Variants in CTDSPL2 observed in about 807,000 individuals in gnomAD.
CTDSPL2 encodes the protein CTD small phosphatase like 2.
A neutral mutation model predicts 60.0 loss-of-function variants in CTDSPL2; 5 were observed. The ratio of observed to expected loss-of-function variants is 0.08; its 90% CI spans 0.04 to 0.18. The LOEUF is 0.18. Among genes scored for constraint, CTDSPL2 ranks in the 10% least tolerant of loss-of-function variants. The pLI, the probability that CTDSPL2 is intolerant of heterozygous loss-of-function variation, is 1.00. For synonymous variants in CTDSPL2, 186 were observed against 189.3 expected (o/e 0.98, Z 0.14); for missense variants, 370 against 548.8 (o/e 0.67, Z 3.26).
chr15:44,506,412 CTTTTTTTTTT>C (rs764238056), intron 8 of CTDSPL2, among the ~76,000 whole-genome samples: 3 of 112,396 alleles, frequency 2.7e-5, no homozygotes, highest in South Asian at 3.0e-4. Flanking sequence ...CCTACTTTGA[CTTTTTTTTTT>C]TTTTTTTTTT....
chr15:44,481,174 G>A (rs1368832237), intron 2 of CTDSPL2, among the ~76,000 whole-genome samples: 3 of 152,086 alleles, frequency 2.0e-5, no homozygotes, highest in Non-Finnish European at 4.4e-5. Flanking sequence ...TGTCTCTACT[G>A]GGGGGAAATA....
At chr15:44,445,726 C>G (rs2080197994) in intron 1 of CTDSPL2, among the ~76,000 whole-genome samples, 1 of 151,550 alleles carries the variant, frequency 6.6e-6, no homozygotes, top group South Asian at 2.1e-4. Context: ...CAGCTTCCGT[C>G]TTCCAGGTTC....
intron 2 of CTDSPL2, among the ~76,000 whole-genome samples, chr15:44,467,481 C>T (rs1225804503): frequency 6.6e-6 from 1 of 152,042 alleles, no homozygotes; most frequent in Non-Finnish European, 1.5e-5. Context: ...AAGTTCTTTT[C>T]TATTCCTGTT....
In CTDSPL2 at chr15:44,527,936, T is replaced by C. The variant is rs1307891449; in HGVS notation, c.*3762T>C. The C allele has an allele frequency of 6.6e-6, 1 of 152,210 alleles. No homozygotes were observed. The highest frequency in any genetic ancestry group is 2.4e-5 in the African/African-American group (1 of 41,450). The allele number at this position is 152,210 out of a possible 1,614,324, so 9.4% of individuals were successfully genotyped here. On this transcript the variant is annotated 3_prime_UTR_variant, in exon 13 of 13. Transcript: ENST00000260327. ...CTGAGTTGAAAGCCTACGACAAACA[T>C]GTATAAAATACATTTAAGAATTTTC... is the stretch of plus-strand genomic sequence containing the variant.
At chr15:44,508,143 C>T (rs1487023926) in intron 8 of CTDSPL2, among the ~76,000 whole-genome samples, 1 of 151,144 alleles carries the variant, frequency 6.6e-6, no homozygotes, top group Non-Finnish European at 1.5e-5. Context: ...AGTACAGTGA[C>T]ATGATCACAT....
chr15:44,522,009 G>C (rs2081786878), intron 12 of CTDSPL2, among the ~76,000 whole-genome samples: 1 of 149,622 alleles, frequency 6.7e-6, no homozygotes, highest in African/African-American at 2.5e-5. Context: ...TGGGAGATGA[G>C]GGCAAAGGTT....
At chr15:44,429,301 G>A (rs1243787453) in intron 1 of CTDSPL2, among the ~76,000 whole-genome samples, 1 of 152,154 alleles carries the variant, frequency 6.6e-6, no homozygotes, top group Admixed American at 6.5e-5. Context: ...TGGAGGTACA[G>A]GCACGTTAAC....
intron 5 of CTDSPL2, among the ~76,000 whole-genome samples, chr15:44,495,349 G>A (rs1057020975): frequency 3.3e-5 from 5 of 152,126 alleles, no homozygotes; most frequent in South Asian, 4.1e-4. Flanking sequence ...TTGGGAGGCC[G>A]AGGCCGGTGG....
At chr15:44,512,803 T>C (rs1441757006) in intron 8 of CTDSPL2, among the ~76,000 whole-genome samples, 2 of 152,144 alleles carry the variant, frequency 1.3e-5, no homozygotes, top group East Asian at 3.8e-4. Context: ...TCAAGACTGA[T>C]AGGATTAGGC....
chr15:44,483,769 G>A (rs971938679), intron 2 of CTDSPL2, among the ~76,000 whole-genome samples: 5 of 152,098 alleles, frequency 3.3e-5, no homozygotes, highest in African/African-American at 1.2e-4. Flanking sequence ...TGCGGGTGTG[G>A]CAGTGCCAGG....
At chr15:44,487,501 C>G (rs1217848759) in intron 4 of CTDSPL2, among the ~76,000 whole-genome samples, 1 of 152,088 alleles carries the variant, frequency 6.6e-6, no homozygotes, top group African/African-American at 2.4e-5. Context: ...ATGGTCCTGT[C>G]TTCTGGGTGG....
chr15:44,523,141 C>T (rs1178532628), intron 12 of CTDSPL2, among the ~76,000 whole-genome samples: 1 of 152,062 alleles, frequency 6.6e-6, no homozygotes, highest in East Asian at 1.9e-4. Flanking sequence ...GGATTACAGG[C>T]GCCCGCCACC....
At position 44,491,018 on chromosome 15, in the gene CTDSPL2, C is replaced by A; in HGVS notation, c.691+19C>A. On this transcript the variant is annotated intron_variant, in intron 5 of 12. Transcript: ENST00000260327. ...CTTACAGGTGAAGAAAATTTCTTTT[C>A]TTATACATCTTCATGAGTAGTTGAT... is the stretch of plus-strand genomic sequence containing the variant. 1 of 1,563,006 alleles carries A rather than the reference C, an allele frequency of 6.4e-7. No homozygotes were observed.
chr15:44,470,059 C>A (rs1239706041), intron 2 of CTDSPL2, among the ~76,000 whole-genome samples: 3 of 141,610 alleles, frequency 2.1e-5, no homozygotes, highest in Non-Finnish European at 3.0e-5. Context: ...GATCACGCCA[C>A]TGCACTCCAG....
Position 44,524,094 on chromosome 15 carries a change from CT to C in CTDSPL2, c.1336-9del. The C allele has an allele frequency of 1.9e-6, 3 of 1,611,570 alleles. No individual in the cohort carries two copies. The highest frequency in any genetic ancestry group is 1.7e-6 in the Non-Finnish European group (2 of 1,178,114). On this transcript the variant is annotated splice_polypyrimidine_tract_variant and intron_variant, in intron 12 of 12. Coordinates refer to ENST00000260327, the MANE Select transcript of CTDSPL2 (RefSeq NM_016396.3). ...AATTTTATGCCTTTTTAAAAATTGT[CT>C]TTTTTCCACGCAGAATGAAGATGTT...
intron 2 of CTDSPL2, among the ~76,000 whole-genome samples, chr15:44,463,000 C>T (rs2080606843): frequency 6.6e-6 from 1 of 151,094 alleles, no homozygotes; most frequent in South Asian, 2.1e-4. Flanking sequence ...CCATCGTGCC[C>T]AGCCACTCAG....
chr15:44,496,969 A>T, intron 6 of CTDSPL2, 58 bp from the exon 7 acceptor site: 2 of 928,654 alleles, frequency 2.2e-6, no homozygotes, highest in Middle Eastern at 2.2e-4. Context: ...TGAGCTTAGT[A>T]ATGTTCTATA....
chr15:44,509,999 T>G (rs1567101039), intron 8 of CTDSPL2, among the ~76,000 whole-genome samples: 1 of 151,960 alleles, frequency 6.6e-6, no homozygotes, highest in Admixed American at 6.6e-5. Context: ...ACACCTTTTT[T>G]TTTTTGAGAC....
rs34005065 is a variant in CTDSPL2, at chr15:44,505,735, C to CAA, written c.969+5936_969+5937dup. Among the ~76,000 whole-genome samples, 323 of 73,936 alleles carry CAA rather than the reference C, an allele frequency of 4.4e-3. 1 individual carries two copies. Among genetic ancestry groups the CAA allele is most frequent in the African/African-American group, 0.016 (308 of 19,422 alleles). The allele number at this position is 73,936 out of a possible 152,430, so 48.5% of individuals were successfully genotyped here. ...GGCAACAGAGCGAGACTCTGTCTCCCAAAAAAAAAAAAAAAGAAAAGAAAA... is the reference window on the plus strand; with the variant it reads ...GGCAACAGAGCGAGACTCTGTCTCCCAAAAAAAAAAAAAAAAAGAAAAGAAAA... On this transcript the variant is annotated intron_variant, in intron 8 of 12. Coordinates refer to ENST00000260327, the MANE Select transcript of CTDSPL2 (RefSeq NM_016396.3).
Sources: gnomAD v4.1 joint callset for allele counts (sites outside exome capture counted in the v4.1 genomes callset) on GRCh38, gnomAD v4.1.1 for gene constraint, MANE v1.5 for transcripts, NCBI Gene and HGNC (gene_info 2026-07-23, HGNC 2026-07-21) for gene names.